The following CSTPP1 variants were observed in gnomAD, a reference collection of about 807,000 sequenced individuals.
The protein encoded by CSTPP1 is UPF0705 protein C11orf49.
chr11:47,074,581 A>T, the CSTPP1 span, among the ~76,000 whole-genome samples: 2 of 152,284 alleles, frequency 1.3e-5, no homozygotes, highest in South Asian at 4.1e-4. Flanking sequence ...TTTAAAAAAG[A>T]CATTAAGATG....
the CSTPP1 span, among the ~76,000 whole-genome samples, chr11:47,002,199 G>C: frequency 6.2e-4 from 94 of 151,950 alleles, no homozygotes; most frequent in Admixed American, 1.1e-3. Flanking sequence ...TTGTCAGGAA[G>C]AGATTTGCCT....
At chr11:47,009,522 T>A in the CSTPP1 span, among the ~76,000 whole-genome samples, 10 of 151,904 alleles carry the variant, frequency 6.6e-5, no homozygotes, top group Non-Finnish European at 1.3e-4. Flanking sequence ...AATGGCTGAG[T>A]GTGGTGGCTC....
chr11:46,942,404 TA>T, the CSTPP1 span, among the ~76,000 whole-genome samples: 2 of 152,276 alleles, frequency 1.3e-5, no homozygotes, highest in East Asian at 3.9e-4. Flanking sequence ...TTGCCAAACA[TA>T]CCACCTACGT....
the CSTPP1 span, among the ~76,000 whole-genome samples, chr11:47,057,926 G>T: frequency 1.3e-5 from 2 of 152,134 alleles, no homozygotes; most frequent in African/African-American, 2.4e-5. Flanking sequence ...GGATTAAATC[G>T]ATCCGCAAGT....
the CSTPP1 span, among the ~76,000 whole-genome samples, chr11:46,955,897 G>A: frequency 1.3e-5 from 2 of 151,744 alleles, no homozygotes; most frequent in African/African-American, 2.4e-5. Context: ...GCTGAGGCAG[G>A]AGAATCGCCC....
At chr11:47,150,229 C>T in the CSTPP1 span, among the ~76,000 whole-genome samples, 4 of 152,118 alleles carry the variant, frequency 2.6e-5, no homozygotes, top group African/African-American at 4.8e-5. Flanking sequence ...TTGTAACCTT[C>T]GCCAAGTTTC....
chr11:46,963,653 C>G, the CSTPP1 span, among the ~76,000 whole-genome samples: 1 of 151,950 alleles, frequency 6.6e-6, no homozygotes, highest in South Asian at 2.1e-4. Flanking sequence ...GGGTGTGGTG[C>G]ACACACCTGT....
chr11:47,129,763 T>G, the CSTPP1 span, among the ~76,000 whole-genome samples: 1 of 152,206 alleles, frequency 6.6e-6, no homozygotes, highest in Admixed American at 6.5e-5. Context: ...AGATCCTGGT[T>G]AGAAATGCCT....
chr11:46,965,183 T>A, the CSTPP1 span, among the ~76,000 whole-genome samples: 41 of 149,936 alleles, frequency 2.7e-4, no homozygotes, highest in Admixed American at 1.2e-3. Flanking sequence ...TCATTTAAAA[T>A]AACAATAATC....
the CSTPP1 span, among the ~76,000 whole-genome samples, chr11:47,087,389 A>G: frequency 6.6e-6 from 1 of 152,228 alleles, no homozygotes; most frequent in Non-Finnish European, 1.5e-5. Context: ...AATACTACAT[A>G]TTCCATGTGG....
At chr11:46,938,199 G>T in the CSTPP1 span, among the ~76,000 whole-genome samples, 1 of 152,040 alleles carries the variant, frequency 6.6e-6, no homozygotes, top group Admixed American at 6.6e-5. Flanking sequence ...ACAGAAAATT[G>T]AGCAGATAGT....
At chr11:46,998,071 A>G in the CSTPP1 span, among the ~76,000 whole-genome samples, 3 of 152,228 alleles carry the variant, frequency 2.0e-5, no homozygotes, top group East Asian at 3.9e-4. Flanking sequence ...TGGGAGATCC[A>G]TTACCCTCTT....
chr11:46,971,154 A>C, the CSTPP1 span, among the ~76,000 whole-genome samples: 1 of 152,206 alleles, frequency 6.6e-6, no homozygotes, highest in Non-Finnish European at 1.5e-5. Context: ...TTGGCATAAG[A>C]GGGCGCTTAT....
the CSTPP1 span, chr11:47,161,925 TCCTAA>T: frequency 8.5e-7 from 1 of 1,182,050 alleles, no homozygotes; most frequent in South Asian, 2.4e-5. Flanking sequence ...CTGTTAGTCC[TCCTAA>T]CCTCTTAAGA....
At chr11:46,949,530 C>T in the CSTPP1 span, among the ~76,000 whole-genome samples, 1 of 152,164 alleles carries the variant, frequency 6.6e-6, no homozygotes, top group African/African-American at 2.4e-5. Context: ...ACTGTTTTGA[C>T]CTTTGTTCTT....
the CSTPP1 span, among the ~76,000 whole-genome samples, chr11:47,137,002 T>C: frequency 6.6e-6 from 1 of 152,234 alleles, no homozygotes; most frequent in African/African-American, 2.4e-5. Context: ...GCACAAAGCA[T>C]TGCTTCTGTA....
chr11:47,082,199 C>A, the CSTPP1 span, among the ~76,000 whole-genome samples: 1 of 147,752 alleles, frequency 6.8e-6, no homozygotes, highest in Non-Finnish European at 1.5e-5. Flanking sequence ...CATGAAGAAA[C>A]CACAGAAAGA....
the CSTPP1 span, among the ~76,000 whole-genome samples, chr11:46,940,265 C>A: frequency 6.6e-6 from 1 of 152,178 alleles, no homozygotes; most frequent in Non-Finnish European, 1.5e-5. Flanking sequence ...TTTAACCAGT[C>A]CCGCACTGGT....
At chr11:47,046,660 C>CTTTTTTTTTTTTTT in the CSTPP1 span, among the ~76,000 whole-genome samples, 9 of 79,732 alleles carry the variant, frequency 1.1e-4, no homozygotes, top group African/African-American at 2.1e-4. Flanking sequence ...ATCTTCTTTT[C>CTTTTTTTTTTTTTT]TTTTTTTTTT....
Sources: allele counts gnomAD v4.1 joint callset (sites outside exome capture counted in the v4.1 genomes callset), GRCh38; gene constraint gnomAD v4.1.1; transcripts MANE v1.5; gene names NCBI Gene and HGNC (gene_info 2026-07-23, HGNC 2026-07-21).